The following KAZN variants were observed in gnomAD, a reference collection of about 807,000 sequenced individuals.
KAZN encodes kazrin.
In KAZN, 40 loss-of-function variants were observed where a neutral mutation model predicts 87.4. That is an observed-to-expected ratio of 0.46 (90% CI 0.36 to 0.60). The LOEUF is 0.60. Among genes scored for constraint, KAZN ranks in the 20% least tolerant of loss-of-function variants. The pLI is 0.00. For missense variants in KAZN, 898 were observed against 1,073.9 expected (o/e 0.84, Z 2.29); for synonymous variants, 466 against 458.3 (o/e 1.02, Z -0.22).
At chr1:14,788,616 G>T (rs1418935420) in intron 1 of KAZN, among the ~76,000 whole-genome samples, 1 of 152,090 alleles carries the variant, frequency 6.6e-6, no homozygotes, top group Admixed American at 6.5e-5. Flanking sequence ...AGACCCAGTA[G>T]ACCCTAAAGC....
chr1:14,887,915 G>A (rs1046663572), intron 1 of KAZN, among the ~76,000 whole-genome samples: 5 of 151,832 alleles, frequency 3.3e-5, no homozygotes, highest in Non-Finnish European at 7.4e-5. Flanking sequence ...TGTGTGGATG[G>A]GGATCGTTAA....
intron 2 of KAZN, among the ~76,000 whole-genome samples, chr1:14,278,582 G>A (rs867620777): frequency 2.0e-5 from 3 of 152,036 alleles, no homozygotes; most frequent in Admixed American, 6.6e-5. Context: ...GAGCCACCGC[G>A]CCTGGTCTTC....
intron 2 of KAZN, among the ~76,000 whole-genome samples, chr1:14,445,838 G>C (rs1316478090): frequency 6.6e-6 from 1 of 152,146 alleles, no homozygotes; most frequent in Non-Finnish European, 1.5e-5. Context: ...CTCTAGCGCA[G>C]GCTCCCAGGG....
rs544528444 is a variant in KAZN, at chr1:14,832,594, C to T, written c.227-128090C>T. 6.6e-5 allele frequency among the ~76,000 whole-genome samples: 10 copies of T among 152,196 alleles called. No individual in the cohort carries two copies. The South Asian group carries it at 1.9e-3, about 28-fold the overall frequency. ...CACACATAAGATACACTAACACTGA[C>T]GATAGCTGATGAGCTAAAAAGAGAA... is the stretch of plus-strand genomic sequence containing the variant. On this transcript the variant is annotated intron_variant, in intron 1 of 14. Transcript: ENST00000376030.
intron 2 of KAZN, among the ~76,000 whole-genome samples, chr1:14,202,891 G>A (rs1233786783): frequency 7.9e-5 from 12 of 151,896 alleles, no homozygotes; most frequent in Non-Finnish European, 1.5e-4. Context: ...GGTCGTGGGC[G>A]CCTGTAATCC....
At chr1:14,372,652 C>T (rs72869042) in intron 2 of KAZN, among the ~76,000 whole-genome samples, 2 of 152,196 alleles carry the variant, frequency 1.3e-5, no homozygotes, top group African/African-American at 2.4e-5. Flanking sequence ...ATTCAGTCAG[C>T]ATCCCTTCTT....
chr1:14,235,371 C>T (rs1648311198), intron 2 of KAZN, among the ~76,000 whole-genome samples: 1 of 152,040 alleles, frequency 6.6e-6, no homozygotes, highest in Non-Finnish European at 1.5e-5. Context: ...TATAAAGCCA[C>T]GTATTATATG....
At chr1:14,206,371 G>C (rs929651979) in intron 2 of KAZN, among the ~76,000 whole-genome samples, 28 of 152,080 alleles carry the variant, frequency 1.8e-4, no homozygotes, top group African/African-American at 6.5e-4. Flanking sequence ...AATTAGAAAA[G>C]TTATTCTTCC....
chr1:14,582,154 A>AT (rs80215484), intron 2 of KAZN, among the ~76,000 whole-genome samples: 27,387 of 152,026 alleles, frequency 0.18, 2,765 homozygotes, highest in Middle Eastern at 0.32. Flanking sequence ...AGCAAAAAAA[A>AT]CCTAAAGTTT....
At chr1:14,619,194 C>A (rs1303316128) in intron 1 of KAZN, among the ~76,000 whole-genome samples, 1 of 147,516 alleles carries the variant, frequency 6.8e-6, no homozygotes, top group African/African-American at 2.5e-5. Context: ...GGAATTTAAT[C>A]ATTCTTGGTT....
chr1:13,957,881 C>T lies in KAZN; in HGVS notation c.91+64125C>T, dbSNP rs530365475. Among the ~76,000 whole-genome samples, 81 of 152,208 alleles carry T rather than the reference C, an allele frequency of 5.3e-4. 1 individual carries two copies. The Middle Eastern group carries it at 0.01, about 19-fold the overall frequency. On this transcript the variant is annotated intron_variant, in intron 1 of 16. Transcript: ENST00000636203. The stretch of plus-strand genomic sequence containing the variant: ...TATGAGACTTGGAAGGGACAAACAT[C>T]CAAACCACAGCACTTTGTTTCTAAT...
chr1:15,072,385 T>C (rs902726723), intron 8 of KAZN, among the ~76,000 whole-genome samples: 2 of 152,182 alleles, frequency 1.3e-5, no homozygotes, highest in Non-Finnish European at 2.9e-5. Context: ...GCAAATGCAG[T>C]TCCAGCACTG....
At chr1:14,096,021 T>C (rs1270896163) in intron 1 of KAZN, among the ~76,000 whole-genome samples, 1 of 152,204 alleles carries the variant, frequency 6.6e-6, no homozygotes, top group Non-Finnish European at 1.5e-5. Flanking sequence ...AAATTGCTTC[T>C]TATAGGCTAA....
chr1:15,065,816 TG>T, intron 8 of KAZN, 63 bp downstream of exon 8: 1 of 1,592,278 alleles, frequency 6.3e-7, no homozygotes, highest in South Asian at 1.1e-5. Context: ...CCCCTGCGCC[TG>T]CTGCCCGCAG....
intron 1 of KAZN, among the ~76,000 whole-genome samples, chr1:14,887,211 G>A (rs1257121707): frequency 6.6e-6 from 1 of 152,072 alleles, no homozygotes; most frequent in Non-Finnish European, 1.5e-5. Flanking sequence ...TTTACCCCCT[G>A]TGAACCTCAT....
At chr1:14,022,707 C>T (rs1361433898) in intron 1 of KAZN, among the ~76,000 whole-genome samples, 1 of 152,042 alleles carries the variant, frequency 6.6e-6, no homozygotes, top group Non-Finnish European at 1.5e-5. Flanking sequence ...GTTCTCTTTA[C>T]ATCTCTCCAT....
chr1:14,748,564 A>G (rs530187641), intron 1 of KAZN, among the ~76,000 whole-genome samples: 61 of 152,372 alleles, frequency 4.0e-4, no homozygotes, highest in African/African-American at 1.3e-3. Flanking sequence ...AGAAGGTTCA[A>G]TGAGGCAATG....
chr1:14,706,932 T>C (rs1383940847), intron 1 of KAZN, among the ~76,000 whole-genome samples: 1 of 152,238 alleles, frequency 6.6e-6, no homozygotes, highest in Non-Finnish European at 1.5e-5. Context: ...TTGGGCTGAA[T>C]CGTCTGTAGA....
intron 1 of KAZN, among the ~76,000 whole-genome samples, chr1:14,746,343 C>G (rs994177963): frequency 2.6e-5 from 4 of 152,090 alleles, no homozygotes; most frequent in African/African-American, 9.7e-5. Context: ...TACTGAGTGG[C>G]CTCTTCTCCA....
Sources: gnomAD v4.1 joint callset for allele counts (sites outside exome capture counted in the v4.1 genomes callset) on GRCh38, gnomAD v4.1.1 for gene constraint, MANE v1.5 for transcripts, NCBI Gene and HGNC (gene_info 2026-07-23, HGNC 2026-07-21) for gene names.